The following MYOZ2 variants were observed in gnomAD, a reference collection of about 807,000 sequenced individuals.
MYOZ2 encodes the protein myozenin-2.
MYOZ2 carries 19 observed loss-of-function variants against 25.4 expected under a neutral mutation model. The ratio of observed to expected loss-of-function variants is 0.75; its 90% CI spans 0.52 to 1.10. The LOEUF is 1.10. Ranked by LOEUF, MYOZ2 falls within the 50% of genes least tolerant of loss-of-function variation. MYOZ2 has a pLI of 0.00. For missense variants in MYOZ2, 270 were observed against 317.9 expected (o/e 0.85, Z 1.15); for synonymous variants, 92 against 106.9 (o/e 0.86, Z 0.86).
chr4:119,150,356 A>G (rs777592081), intron 2 of MYOZ2, among the ~76,000 whole-genome samples: 36 of 152,084 alleles, frequency 2.4e-4, no homozygotes, highest in Admixed American at 1.3e-4. Context: ...AGTTCACTCA[A>G]TACTTATCAT....
intron 2 of MYOZ2, among the ~76,000 whole-genome samples, chr4:119,138,984 G>T (rs1228949357): frequency 6.6e-6 from 1 of 152,136 alleles, no homozygotes; most frequent in Admixed American, 6.6e-5. Context: ...TAACCTCAAA[G>T]AATTATTAAA....
intron 1 of MYOZ2, among the ~76,000 whole-genome samples, 185 bp from the exon 2 acceptor site, chr4:119,136,327 A>T (rs575015113): frequency 6.6e-6 from 1 of 152,328 alleles, no homozygotes; most frequent in Non-Finnish European, 1.5e-5. Flanking sequence ...GTTCACTGTG[A>T]CATTGCCTGT....
In MYOZ2 at chr4:119,170,586, C is replaced by T. The variant is rs551592294; in HGVS notation, c.560+6192C>T. ...TAAATGGAATTAATAGCAGATTAGACATAGCTGAAGAGAGAATTGCTAAAT... is the reference window on the plus strand; with the variant it reads ...TAAATGGAATTAATAGCAGATTAGATATAGCTGAAGAGAGAATTGCTAAAT... On this transcript the variant is annotated intron_variant, in intron 5 of 5. Transcript: ENST00000307128. 1.1e-4 allele frequency among the ~76,000 whole-genome samples: 16 copies of T among 152,040 alleles called. No individual in the cohort carries two copies. In the South Asian group the frequency reaches 2.1e-3, roughly 20 times the overall value.
chr4:119,179,873 A>C (rs1024847071), intron 5 of MYOZ2, among the ~76,000 whole-genome samples: 3 of 152,258 alleles, frequency 2.0e-5, no homozygotes, highest in African/African-American at 7.2e-5. Context: ...TAGCCCCTTT[A>C]TAGGGCACTA....
chr4:119,176,389 T>A (rs1012711121), intron 5 of MYOZ2, among the ~76,000 whole-genome samples: 1 of 151,988 alleles, frequency 6.6e-6, no homozygotes, highest in African/African-American at 2.4e-5. Flanking sequence ...CCCAGCTAAT[T>A]TTTTTGTATT....
In MYOZ2 at chr4:119,151,914, G is replaced by A. The variant is rs72673752; in HGVS notation, c.246+873G>A. Among the ~76,000 whole-genome samples, 1,007 of 152,120 alleles carry A rather than the reference G, an allele frequency of 6.6e-3. 5 individuals are homozygous for A. Among genetic ancestry groups the A allele is most frequent in the Non-Finnish European group, 0.012 (810 of 67,968 alleles). On this transcript the variant is annotated intron_variant, in intron 3 of 5. Coordinates refer to ENST00000307128, the MANE Select transcript of MYOZ2 (RefSeq NM_016599.5). ...CCATCACTAATAAGTTGTTTTGAAT[G>A]GACAGCTCCCTTCTTTACAGCAAAC...
intron 4 of MYOZ2, among the ~76,000 whole-genome samples, chr4:119,161,860 G>C (rs1741717090): frequency 6.6e-6 from 1 of 152,134 alleles, no homozygotes; most frequent in African/African-American, 2.4e-5. Context: ...ACGTTTATGG[G>C]TGAAGAAAAA....
chr4:119,174,865 C>T (rs1034564581), intron 5 of MYOZ2, among the ~76,000 whole-genome samples: 6 of 152,120 alleles, frequency 3.9e-5, no homozygotes, highest in African/African-American at 1.2e-4. Context: ...CCGCAAAGAT[C>T]TGCAGCTTCA....
At chr4:119,150,415 AT>A (rs1741420066) in intron 2 of MYOZ2, among the ~76,000 whole-genome samples, 1 of 151,684 alleles carries the variant, frequency 6.6e-6, no homozygotes, top group South Asian at 2.1e-4. Context: ...AATAAATAGT[AT>A]TTTGACCGAG....
chr4:119,180,457 C>G (rs1304621831), intron 5 of MYOZ2, among the ~76,000 whole-genome samples: 1 of 152,204 alleles, frequency 6.6e-6, no homozygotes, highest in Non-Finnish European at 1.5e-5. Flanking sequence ...TTAATTTAAT[C>G]TGCATACTGC....
intron 3 of MYOZ2, among the ~76,000 whole-genome samples, chr4:119,151,429 C>T (rs780641382): frequency 1.3e-5 from 2 of 152,090 alleles, no homozygotes; most frequent in Admixed American, 6.5e-5. Context: ...GCATTTTATT[C>T]ACTGAGTAAA....
At chr4:119,151,149 ATT>A in intron 3 of MYOZ2, 108 bp downstream of exon 3, 1 of 1,174,630 alleles carries the variant, frequency 8.5e-7, no homozygotes, top group South Asian at 1.4e-5. Flanking sequence ...CTTTCAATTT[ATT>A]CTGTTAGGCT....
At chr4:119,185,837 A>G (rs1742280522) in intron 5 of MYOZ2, 129 bp from the exon 6 acceptor site, 1 of 762,044 alleles carries the variant, frequency 1.3e-6, no homozygotes, top group South Asian at 1.7e-5. Context: ...TTCATAGAAT[A>G]TAAGTAAGCC....
chr4:119,149,262 A>C (rs1741389773), intron 2 of MYOZ2, among the ~76,000 whole-genome samples: 1 of 152,212 alleles, frequency 6.6e-6, no homozygotes, highest in Non-Finnish European at 1.5e-5. Context: ...ACTGGCCAAA[A>C]GGAATGAAAG....
intron 5 of MYOZ2, among the ~76,000 whole-genome samples, chr4:119,172,034 G>C (rs1394861528): frequency 6.6e-6 from 1 of 152,180 alleles, no homozygotes; most frequent in Non-Finnish European, 1.5e-5. Flanking sequence ...GATAATGAGT[G>C]GATGAAAATC....
At chr4:119,141,139 G>A (rs935626025) in intron 2 of MYOZ2, among the ~76,000 whole-genome samples, 2 of 152,198 alleles carry the variant, frequency 1.3e-5, no homozygotes, top group African/African-American at 2.4e-5. Flanking sequence ...AGGAGGAAGA[G>A]TTCTGTGCAA....
chr4:119,159,743 T>A (rs1156857705), intron 4 of MYOZ2, among the ~76,000 whole-genome samples: 1 of 152,176 alleles, frequency 6.6e-6, no homozygotes, highest in Non-Finnish European at 1.5e-5. Context: ...TTTGAGATAA[T>A]GTTATACAGG....
chr4:119,180,174 T>C (rs1443479427), intron 5 of MYOZ2, among the ~76,000 whole-genome samples: 2 of 152,196 alleles, frequency 1.3e-5, no homozygotes, highest in East Asian at 3.9e-4. Flanking sequence ...CTGAATCGCA[T>C]CTCTTAGACT....
At chr4:119,167,493 A>G (rs1260012664) in intron 5 of MYOZ2, among the ~76,000 whole-genome samples, 2 of 152,258 alleles carry the variant, frequency 1.3e-5, no homozygotes, top group Non-Finnish European at 2.9e-5. Flanking sequence ...GCAGATGTAG[A>G]AGCTGCAGCA....
Sources: allele counts gnomAD v4.1 joint callset (sites outside exome capture counted in the v4.1 genomes callset), GRCh38; gene constraint gnomAD v4.1.1; transcripts MANE v1.5; gene names NCBI Gene and HGNC (gene_info 2026-07-23, HGNC 2026-07-21).